Variants in PTPRN2 observed in about 807,000 individuals in gnomAD.
The protein encoded by PTPRN2 is receptor-type tyrosine-protein phosphatase N2.
A neutral mutation model predicts 118.8 loss-of-function variants in PTPRN2; 74 were observed. The observed-to-expected ratio is 0.62, with a 90% CI of 0.52 to 0.76. The LOEUF (loss-of-function observed/expected upper bound fraction) is 0.76, where lower values mean the gene tolerates loss of function less well. Ranked by LOEUF, PTPRN2 falls within the 30% of genes least tolerant of loss-of-function variation. The probability of loss-of-function intolerance (pLI) is 0.00; values close to 1 mark genes in which losing one functional copy is unlikely to be tolerated. For missense variants in PTPRN2, 1,481 were observed against 1,394.4 expected, an observed-to-expected ratio of 1.06 and a Z score of -0.99; for synonymous variants, 641 against 608.0, an observed-to-expected ratio of 1.05 and a Z score of -0.80.
chr7:158,191,855 C>T (rs751419940), intron 5 of PTPRN2, among the ~76,000 whole-genome samples: 2 of 152,096 alleles, frequency 1.3e-5, no homozygotes, highest in African/African-American at 2.4e-5. Flanking sequence ...GGGCTGCCCC[C>T]GGGGCAGGCT....
chr7:157,992,257 T>C (rs1804307497), intron 11 of PTPRN2, among the ~76,000 whole-genome samples: 1 of 152,266 alleles, frequency 6.6e-6, no homozygotes, highest in Non-Finnish European at 1.5e-5. Flanking sequence ...CACCCAAATT[T>C]TGTTCATTTA....
At chr7:157,916,562 T>G in intron 11 of PTPRN2, among the ~76,000 whole-genome samples, 1 of 152,370 alleles carries the variant, frequency 6.6e-6, no homozygotes, top group Middle Eastern at 3.4e-3. Flanking sequence ...ATCATTTGCC[T>G]GTCCTGTGTG....
intron 1 of PTPRN2, among the ~76,000 whole-genome samples, chr7:158,515,069 A>T (rs1228030931): frequency 6.6e-6 from 1 of 152,242 alleles, no homozygotes; most frequent in Non-Finnish European, 1.5e-5. Flanking sequence ...ATCCGAAAAC[A>T]GCAGGCAGAA....
chr7:158,321,459 C>T (rs779422560), intron 2 of PTPRN2, among the ~76,000 whole-genome samples: 117 of 152,282 alleles, frequency 7.7e-4, no homozygotes, highest in Non-Finnish European at 1.2e-3. Context: ...ATGACCCTAT[C>T]GTCGAAGCCC....
At chr7:158,482,774 A>G (rs1483752630) in intron 2 of PTPRN2, among the ~76,000 whole-genome samples, 1 of 152,204 alleles carries the variant, frequency 6.6e-6, no homozygotes, top group East Asian at 1.9e-4. Flanking sequence ...CCCATTCACT[A>G]GTTTTTCTTG....
chr7:157,715,071 G>A (rs1798835268), intron 12 of PTPRN2, among the ~76,000 whole-genome samples: 2 of 152,232 alleles, frequency 1.3e-5, no homozygotes, highest in African/African-American at 2.4e-5. Context: ...AGCCCGACGC[G>A]CTTGTCCTGC....
At chr7:157,602,066 A>G (rs62476779) in intron 16 of PTPRN2, among the ~76,000 whole-genome samples, 5,486 of 152,306 alleles carry the variant, frequency 0.036, 174 homozygotes, top group East Asian at 0.19. Context: ...TGTGCATCAC[A>G]TCTTATTAAG....
At chr7:158,131,031 C>G (rs1818192370) in intron 9 of PTPRN2, among the ~76,000 whole-genome samples, 2 of 133,816 alleles carry the variant, frequency 1.5e-5, no homozygotes, top group Admixed American at 1.6e-4. Context: ...TATACACACA[C>G]TTATACACAC....
chr7:158,180,222 T>C (rs906743313), intron 5 of PTPRN2, among the ~76,000 whole-genome samples: 1 of 152,260 alleles, frequency 6.6e-6, no homozygotes, highest in Non-Finnish European at 1.5e-5. Context: ...AAACCATTTA[T>C]CAAACAGGTG....
chr7:157,678,723 C>T (rs571996392), intron 13 of PTPRN2, among the ~76,000 whole-genome samples: 2 of 152,154 alleles, frequency 1.3e-5, no homozygotes, highest in South Asian at 4.2e-4. Context: ...CCAAAGGCCT[C>T]CAAGTACACA....
In PTPRN2 at chr7:157,990,777, C is replaced by T. The variant is rs867313973; in HGVS notation, c.1723+90521G>A. Reference sequence around the variant, plus strand: ...ACTGGAATGTCACCGAGCTTCCCTCCGATACAGTGGGAGGGAGGACTTGGC... The same window carrying T: ...ACTGGAATGTCACCGAGCTTCCCTCTGATACAGTGGGAGGGAGGACTTGGC... On this transcript the variant is annotated intron_variant, in intron 11 of 22. Coordinates refer to ENST00000389418, the MANE Select transcript of PTPRN2 (RefSeq NM_002847.5). This position sits in a 1 kb window ranked among gnomAD's most constrained non-coding sequence, Gnocchi z 4.3. Among the ~76,000 whole-genome samples, 12 of 152,022 alleles carry T rather than the reference C, an allele frequency of 7.9e-5. No individual in the cohort carries two copies. Among genetic ancestry groups the T allele is most frequent in the Admixed American group, 2.0e-4 (3 of 15,274 alleles).
Position 158,057,814 on chromosome 7 carries a change from C to T in PTPRN2, c.1723+23484G>A, listed in dbSNP as rs550396185. Among the ~76,000 whole-genome samples, 5 of 152,328 alleles carry T rather than the reference C, an allele frequency of 3.3e-5. 1 individual carries two copies. Among genetic ancestry groups the T allele is most frequent in the South Asian group, 4.1e-4 (2 of 4,834 alleles). On this transcript the variant is annotated intron_variant, in intron 11 of 22. Coordinates refer to ENST00000389418, the MANE Select transcript of PTPRN2 (RefSeq NM_002847.5). ...ATGTTCATGTGCACAAGGTCCACAA[C>T]GGCAGCCAGACCACACCTGGAAAGA... is the stretch of plus-strand genomic sequence containing the variant.
chr7:157,694,296 T>C (rs1797664050), intron 12 of PTPRN2, among the ~76,000 whole-genome samples: 1 of 152,220 alleles, frequency 6.6e-6, no homozygotes, highest in Admixed American at 6.5e-5. Flanking sequence ...AAAGGTTCCA[T>C]GCGGGTTCAC....
chr7:157,801,669 G>A lies in PTPRN2; in HGVS notation c.1788+97004C>T, dbSNP rs1222897314. ...AATTTTCTCTAGGGAAAAATTTGAT[G>A]GGCACGCTATGATTTATTGCCAAAT... On this transcript the variant is annotated intron_variant, in intron 12 of 22. Transcript: ENST00000389418. This position sits in a 1 kb window ranked among gnomAD's most constrained non-coding sequence, Gnocchi z 4.2. Among the ~76,000 whole-genome samples the A allele has an allele frequency of 6.6e-6, 1 of 152,130 alleles. No individual in the cohort carries two copies. Among genetic ancestry groups the A allele is most frequent in the Admixed American group, 6.5e-5 (1 of 15,270 alleles).
At chr7:158,223,567 A>G (rs1201598680) in intron 3 of PTPRN2, among the ~76,000 whole-genome samples, 3 of 152,198 alleles carry the variant, frequency 2.0e-5, no homozygotes, top group African/African-American at 7.2e-5. Context: ...AAAAAATCAC[A>G]TGATTACAGC....
rs1308268392 is a variant in PTPRN2, at chr7:157,785,290, C to T, written c.1789-102353G>A. ...GGGCGCCAAGGCCAGTGGTGTAAAT[C>T]CACACTCTATGGTGACGGTGGATCC... On this transcript the variant is annotated intron_variant, in intron 12 of 22. Transcript: ENST00000389418. The surrounding 1 kb of genome is among the most constrained non-coding windows in gnomAD (Gnocchi z 7.3). Among the ~76,000 whole-genome samples the T allele has an allele frequency of 3.3e-5, 5 of 152,190 alleles. No individual in the cohort carries two copies. Among genetic ancestry groups the T allele is most frequent in the Non-Finnish European group, 7.4e-5 (5 of 68,026 alleles).
chr7:157,819,207 C>T (rs1806635982), intron 12 of PTPRN2, among the ~76,000 whole-genome samples: 1 of 152,216 alleles, frequency 6.6e-6, no homozygotes, highest in Admixed American at 6.5e-5. Flanking sequence ...CTGGGAGCTC[C>T]AGCACCCAGG....
intron 4 of PTPRN2, among the ~76,000 whole-genome samples, chr7:158,196,106 G>C (rs1826190101): frequency 6.6e-6 from 1 of 152,188 alleles, no homozygotes. Flanking sequence ...TAGGTTTGAA[G>C]AAGCACTATG....
intron 2 of PTPRN2, among the ~76,000 whole-genome samples, chr7:158,332,805 T>A (rs1294466065): frequency 4.7e-5 from 7 of 149,180 alleles, no homozygotes; most frequent in Non-Finnish European, 8.8e-5. Flanking sequence ...CCTGCAGACG[T>A]CACTCACGTA....
Sources: allele counts gnomAD v4.1 joint callset (sites outside exome capture counted in the v4.1 genomes callset), GRCh38; gene constraint gnomAD v4.1.1; non-coding constraint Gnocchi (gnomAD v3.1); transcripts MANE v1.5; gene names NCBI Gene and HGNC (gene_info 2026-07-23, HGNC 2026-07-21).